SPATA9: variants seen among roughly 807,000 people sequenced by gnomAD.
SPATA9 encodes the protein spermatogenesis-associated protein 9.
A neutral mutation model predicts 25.5 loss-of-function variants in SPATA9; 27 were observed. That is an observed-to-expected ratio of 1.06 (90% CI 0.78 to 1.46). The LOEUF is 1.46. SPATA9 is among the 40% of genes most tolerant of loss of function. The probability of loss-of-function intolerance (pLI) is 0.00; values close to 1 mark genes in which losing one functional copy is unlikely to be tolerated. For missense variants in SPATA9, 282 were observed against 297.5 expected, an observed-to-expected ratio of 0.95 and a Z score of 0.38; for synonymous variants, 102 against 105.7, an observed-to-expected ratio of 0.97 and a Z score of 0.21.
chr5:95,731,593 A>G, the SPATA9 span: 1 of 1,583,338 alleles, frequency 6.3e-7, no homozygotes, highest in Non-Finnish European at 8.6e-7. Context: ...GGATGAGCGG[A>G]TTGCGGGTGA....
the SPATA9 span, among the ~76,000 whole-genome samples, chr5:95,710,412 G>T: frequency 6.6e-6 from 1 of 152,176 alleles, no homozygotes; most frequent in Non-Finnish European, 1.5e-5. Context: ...AAGTCTCTAT[G>T]GCATGAGGAG....
At position 95,658,523 on chromosome 5, in the gene SPATA9, G is replaced by A; in HGVS notation, c.*100C>T. 1 of 1,330,294 alleles carries A rather than the reference G, an allele frequency of 7.5e-7. No individual in the cohort carries two copies. The highest frequency in any genetic ancestry group is 9.7e-7 in the Non-Finnish European group (1 of 1,028,140). 82.4% of individuals were successfully genotyped at this position (1,330,294 alleles called of 1,614,324 possible). On this transcript the variant is annotated 3_prime_UTR_variant, in exon 5 of 5. Transcript: ENST00000274432. ...GCCCCCTTCTCTTTTTTTTAAGAAA[G>A]CAGAGCAATTCAGAATATGTAAACT...
At chr5:95,712,593 C>T in the SPATA9 span, among the ~76,000 whole-genome samples, 28 of 152,284 alleles carry the variant, frequency 1.8e-4, no homozygotes, top group African/African-American at 5.3e-4. Context: ...CCTAGCCAAC[C>T]GCAAGCATCA....
At chr5:95,689,031 CAT>C (rs1276573169) in intron 1 of SPATA9, among the ~76,000 whole-genome samples, 4 of 151,966 alleles carry the variant, frequency 2.6e-5, no homozygotes, top group African/African-American at 7.2e-5. Context: ...TATAAATACA[CAT>C]AGACACACAT....
At chr5:95,718,586 T>C in the SPATA9 span, among the ~76,000 whole-genome samples, 2 of 152,160 alleles carry the variant, frequency 1.3e-5, no homozygotes, top group South Asian at 4.1e-4. Context: ...AGCCAGGCAA[T>C]ACCAAATGCT....
chr5:95,682,789 T>C lies in SPATA9; in HGVS notation c.61+5A>G, dbSNP rs1753578719. On this transcript the variant is annotated splice_donor_5th_base_variant and intron_variant, in intron 1 of 4. Coordinates refer to ENST00000274432, the MANE Select transcript of SPATA9 (RefSeq NM_031952.4). Reference sequence around the variant, plus strand: ...ATACGCCCTTTACAACAAGATTGTGTATACTTCTTCCAGAAAAGTTCTTCA... The same window carrying C: ...ATACGCCCTTTACAACAAGATTGTGCATACTTCTTCCAGAAAAGTTCTTCA... 3 of 1,545,376 alleles carry C rather than the reference T, an allele frequency of 1.9e-6. No homozygotes were observed. The East Asian group carries it at 6.8e-5, about 35-fold the overall frequency.
chr5:95,656,320 A>G (rs1365573640), downstream of SPATA9: 1 of 1,587,310 alleles, frequency 6.3e-7, no homozygotes, highest in Non-Finnish European at 8.6e-7. Context: ...TAAAAAATAT[A>G]TAGAAATGAA....
intron 2 of SPATA9, among the ~76,000 whole-genome samples, chr5:95,680,814 G>A (rs1753386498): frequency 6.6e-6 from 1 of 152,104 alleles, no homozygotes; most frequent in South Asian, 2.1e-4. Context: ...ACAGGATGTG[G>A]CATGACCCCT....
chr5:95,695,513 G>A (rs1341504020), intron 1 of SPATA9, among the ~76,000 whole-genome samples: 2 of 152,138 alleles, frequency 1.3e-5, no homozygotes, highest in African/African-American at 2.4e-5. Flanking sequence ...CAGGAGAATC[G>A]CTTGGACCCA....
At chr5:95,704,419 C>T in the SPATA9 span, among the ~76,000 whole-genome samples, 1 of 152,252 alleles carries the variant, frequency 6.6e-6, no homozygotes, top group African/African-American at 2.4e-5. Context: ...GGAATCAAAA[C>T]AGATTAATAT....
At position 95,658,633 on chromosome 5, in the gene SPATA9, T is replaced by A. The variant is rs1157431346; in HGVS notation, c.755A>T (p.Glu252Val). Residue 252 changes from glutamate (E) to valine (V), a missense_variant, in exon 5 of 5, where the codon GAG becomes GTG. Transcript: ENST00000274432. The stretch of plus-strand genomic sequence containing the variant: ...CAGTGATACCTGTATTCAGATTTGC[T>A]CATTCATTTCAGCTGATTGGTCAAA... ...SVFDQSAEMNEQI is the reference protein window; with the variant it reads ...SVFDQSAEMNVQI 3 of 1,612,532 alleles carry A rather than the reference T, an allele frequency of 1.9e-6. No individual in the cohort carries two copies. Among genetic ancestry groups the A allele is most frequent in the South Asian group, 2.2e-5 (2 of 90,894 alleles).
chr5:95,719,770 G>T, the SPATA9 span: 1 of 152,180 alleles, frequency 6.6e-6, no homozygotes, highest in East Asian at 1.9e-4. Context: ...CTAAATGGCT[G>T]AACCTGCCAA....
At chr5:95,675,312 T>C (rs1480820679) in intron 3 of SPATA9, 100 bp downstream of exon 3, 2 of 956,918 alleles carry the variant, frequency 2.1e-6, no homozygotes, top group Non-Finnish European at 3.1e-6. Context: ...ATATCTGTTT[T>C]ACACTGGACA....
chr5:95,685,203 C>T (rs1432676953), upstream of SPATA9, among the ~76,000 whole-genome samples: 1 of 152,204 alleles, frequency 6.6e-6, no homozygotes, highest in Non-Finnish European at 1.5e-5. Context: ...ATTAAATATG[C>T]ACTGACCTTT....
At chr5:95,731,645 T>A in the SPATA9 span, 1 of 1,612,530 alleles carries the variant, frequency 6.2e-7, no homozygotes, top group Middle Eastern at 1.7e-4. Flanking sequence ...AGCCGCTGCT[T>A]TTCTCCGAGT....
At chr5:95,702,081 A>G (rs1301902103), upstream of SPATA9, among the ~76,000 whole-genome samples, 1 of 152,154 alleles carries the variant, frequency 6.6e-6, no homozygotes, top group Non-Finnish European at 1.5e-5. Context: ...TCAAGAGGAA[A>G]CTTAAGAGCA....
chr5:95,718,200 G>A, the SPATA9 span, among the ~76,000 whole-genome samples: 49 of 152,030 alleles, frequency 3.2e-4, 1 homozygote, highest in Non-Finnish European at 5.9e-5. Flanking sequence ...AGCCGTATGG[G>A]GAAGAAAGAA....
chr5:95,713,757 A>C, the SPATA9 span: 1 of 152,086 alleles, frequency 6.6e-6, no homozygotes, highest in Admixed American at 6.5e-5. Context: ...TCATCATTTA[A>C]GTAAATTCTT....
intron 3 of SPATA9, chr5:95,670,553 G>A (rs1009202240): frequency 6.6e-6 from 1 of 152,206 alleles, no homozygotes; most frequent in Non-Finnish European, 1.5e-5. Context: ...TTTTCCTAGA[G>A]TGATATCTTT....
Sources: allele counts gnomAD v4.1 joint callset (sites outside exome capture counted in the v4.1 genomes callset), GRCh38; gene constraint gnomAD v4.1.1; transcripts MANE v1.5; gene names NCBI Gene and HGNC (gene_info 2026-07-23, HGNC 2026-07-21).